The following TRPM3 variants were observed in gnomAD, a reference collection of about 807,000 sequenced individuals.
TRPM3 encodes transient receptor potential cation channel subfamily M member 3, also known as long transient receptor potential channel 3.
TRPM3 carries 77 observed loss-of-function variants against 181.2 expected under a neutral mutation model. The ratio of observed to expected loss-of-function variants is 0.42; its 90% CI spans 0.35 to 0.51. The LOEUF (loss-of-function observed/expected upper bound fraction) is 0.51, where lower values mean the gene tolerates loss of function less well. TRPM3 is among the 20% of genes least tolerant of loss of function. The probability of loss-of-function intolerance (pLI) is 0.01; values close to 1 mark genes in which losing one functional copy is unlikely to be tolerated. For missense variants in TRPM3, 1,759 were observed against 2,196.7 expected, an observed-to-expected ratio of 0.80 and a Z score of 3.98; for synonymous variants, 745 against 796.4, an observed-to-expected ratio of 0.94 and a Z score of 1.09.
chr9:71,050,513 A>G (rs2059947713), intron 1 of TRPM3, among the ~76,000 whole-genome samples: 2 of 152,206 alleles, frequency 1.3e-5, no homozygotes, highest in Non-Finnish European at 2.9e-5. Context: ...AGATTACTGA[A>G]CTATATTTCA....
At chr9:71,410,046 T>C (rs1163973328) in intron 1 of TRPM3, among the ~76,000 whole-genome samples, 1 of 151,968 alleles carries the variant, frequency 6.6e-6, no homozygotes, top group African/African-American at 2.4e-5. Flanking sequence ...AATAAAGAGG[T>C]TCTCTCAAAC....
At chr9:70,882,241 T>C (rs1210287319) in intron 1 of TRPM3, among the ~76,000 whole-genome samples, 2 of 152,212 alleles carry the variant, frequency 1.3e-5, no homozygotes, top group Admixed American at 6.5e-5. Context: ...GCCTATGGTG[T>C]CATTGCAAGA....
At chr9:71,167,134 T>A (rs1032002190) in intron 1 of TRPM3, among the ~76,000 whole-genome samples, 7 of 152,200 alleles carry the variant, frequency 4.6e-5, no homozygotes, top group African/African-American at 1.7e-4. Context: ...GTGAATCAAG[T>A]AAAATATGTG....
intron 1 of TRPM3, among the ~76,000 whole-genome samples, chr9:71,248,878 G>A (rs1029942898): frequency 2.6e-5 from 4 of 152,132 alleles, no homozygotes; most frequent in African/African-American, 4.8e-5. Context: ...GGCTCAAAAC[G>A]TAACGACAAG....
At chr9:71,387,961 C>T (rs997444084) in intron 1 of TRPM3, among the ~76,000 whole-genome samples, 1 of 152,144 alleles carries the variant, frequency 6.6e-6, no homozygotes, top group African/African-American at 2.4e-5. Context: ...TCTACATTCT[C>T]CAATAACTCC....
At position 70,615,986 on chromosome 9, in the gene TRPM3, T is replaced by A; in HGVS notation, c.2448A>T (p.Glu816Asp). 2 of 1,613,446 alleles carry A rather than the reference T, an allele frequency of 1.2e-6. No individual in the cohort carries two copies. Among genetic ancestry groups the A allele is most frequent in the Admixed American group, 1.7e-5 (1 of 59,980 alleles). The change falls in exon 18 of 26, where the codon GAA becomes GAT. Residue 816 changes from glutamate to aspartate, a missense_variant. Transcript: ENST00000677713. ...DDMPYMSQAQ[E>D]IHLQEKEAEE... ...CTGCCTCCTTCTCTTGGAGGTGGAT[T>A]TCCTGGGCCTGAGACATATAGGGCA...
chr9:71,182,455 C>T (rs2077458073), intron 1 of TRPM3, among the ~76,000 whole-genome samples: 1 of 152,106 alleles, frequency 6.6e-6, no homozygotes, highest in Middle Eastern at 3.4e-3. Flanking sequence ...CAAAACCTGA[C>T]AATTTCCTTT....
rs1329757 is a variant in TRPM3 at position 71,107,304 on chromosome 9, T to C, written c.177+13874A>G. On this transcript the variant is annotated intron_variant, in intron 1 of 25. Coordinates refer to ENST00000677713, the MANE Select transcript of TRPM3 (RefSeq NM_001366145.2). Reference sequence around the variant, plus strand: ...CTTGCCTTTGCCTGTACTGCACCACTGTACTTAATCCTGAATAGTTTTTTC... The same window carrying C: ...CTTGCCTTTGCCTGTACTGCACCACCGTACTTAATCCTGAATAGTTTTTTC... 5.6e-3 allele frequency among the ~76,000 whole-genome samples: 848 copies of C among 152,260 alleles called. 5 individuals carry two copies. Among genetic ancestry groups the C allele is most frequent in the African/African-American group, 0.019 (785 of 41,538 alleles).
intron 5 of TRPM3, 130 bp from the exon 6 acceptor site, chr9:70,828,148 ATCT>A (rs548046915): frequency 2.1e-4 from 189 of 905,516 alleles, no homozygotes; most frequent in Non-Finnish European, 2.7e-4. Flanking sequence ...TACAGTCTAC[ATCT>A]TCTTCTTAGT....
intron 1 of TRPM3, among the ~76,000 whole-genome samples, chr9:70,870,769 G>A (rs1430833739): frequency 1.3e-5 from 2 of 151,960 alleles, no homozygotes; most frequent in Non-Finnish European, 2.9e-5. Flanking sequence ...AACAGTAAGG[G>A]TGGAAAAATT....
chr9:70,577,230 A>C (rs1319911476), intron 22 of TRPM3, among the ~76,000 whole-genome samples: 2 of 152,216 alleles, frequency 1.3e-5, no homozygotes, highest in African/African-American at 4.8e-5. Flanking sequence ...GTGGTTGCTA[A>C]GTAAATAAAT....
In TRPM3 at chr9:71,332,052, G is replaced by A. The variant is rs1334403955; in HGVS notation, c.183+114601C>T. Among the ~76,000 whole-genome samples, 3 of 150,668 alleles carry A rather than the reference G, an allele frequency of 2.0e-5. 1 individual carries two copies. Among genetic ancestry groups the A allele is most frequent in the Non-Finnish European group, 3.0e-5 (2 of 67,652 alleles). ...ATAAAATAAACTTTCTGTAAACACA[G>A]TATGGTTAAGGAATAGAAAATTCTG... is the stretch of plus-strand genomic sequence containing the variant. On this transcript the variant is annotated intron_variant, in intron 1 of 24. Coordinates refer to the TRPM3 transcript ENST00000357533.
At chr9:70,787,963 C>G (rs1195968056) in intron 6 of TRPM3, among the ~76,000 whole-genome samples, 1 of 150,878 alleles carries the variant, frequency 6.6e-6, no homozygotes, top group East Asian at 1.9e-4. Flanking sequence ...CCTAAGAGGG[C>G]CCCTTGTCCC....
intron 1 of TRPM3, among the ~76,000 whole-genome samples, chr9:71,031,869 T>G (rs2057343308): frequency 6.9e-6 from 1 of 144,722 alleles, no homozygotes; most frequent in African/African-American, 2.6e-5. Flanking sequence ...AATACAATAT[T>G]GGGACCCATC....
At chr9:71,420,555 AAGAG>A (rs1324813599) in intron 1 of TRPM3, among the ~76,000 whole-genome samples, 1 of 150,982 alleles carries the variant, frequency 6.6e-6, no homozygotes, top group Non-Finnish European at 1.5e-5. Context: ...AAGAGAAAGA[AAGAG>A]AAAGAAAAAG....
intron 7 of TRPM3, among the ~76,000 whole-genome samples, chr9:70,782,912 G>A (rs1482752173): frequency 6.6e-6 from 1 of 151,958 alleles, no homozygotes; most frequent in Non-Finnish European, 1.5e-5. Context: ...CTGTTTTAAT[G>A]GCTTATGTGG....
chr9:70,556,018 AGG>A (rs1482246429), intron 22 of TRPM3, among the ~76,000 whole-genome samples: 1 of 152,158 alleles, frequency 6.6e-6, no homozygotes, highest in Admixed American at 6.6e-5. Flanking sequence ...CCCTATATTG[AGG>A]GAAGGCCATG....
chr9:71,069,630 A>G (rs1286958843), intron 1 of TRPM3, among the ~76,000 whole-genome samples: 1 of 136,534 alleles, frequency 7.3e-6, no homozygotes, highest in African/African-American at 2.9e-5. Flanking sequence ...TTTTTTTGAG[A>G]CGGAGTCTCA....
intron 1 of TRPM3, among the ~76,000 whole-genome samples, chr9:70,911,203 T>C (rs1027127008): frequency 6.6e-6 from 1 of 152,240 alleles, no homozygotes; most frequent in Non-Finnish European, 1.5e-5. Flanking sequence ...ATCAAAATCA[T>C]AGAAGTATGG....
Sources: allele counts gnomAD v4.1 joint callset (sites outside exome capture counted in the v4.1 genomes callset), GRCh38; gene constraint gnomAD v4.1.1; transcripts MANE v1.5; gene names NCBI Gene and HGNC (gene_info 2026-07-23, HGNC 2026-07-21).